AMIGO1: variants seen among roughly 807,000 people sequenced by gnomAD.
The protein encoded by AMIGO1 is adhesion molecule with Ig like domain 1, also known as amphoterin-induced protein 1.
For missense variants in AMIGO1, 361 were observed against 612.3 expected (o/e 0.59, Z 4.33); for synonymous variants, 249 against 266.3 (o/e 0.93, Z 0.63).
chr1:109,506,706 C>G lies in AMIGO1; in HGVS notation c.*725G>C, dbSNP rs1658031887. On this transcript the variant is annotated 3_prime_UTR_variant, in exon 2 of 2. Transcript: ENST00000369864. ...TGTGACATGGACCCTTCAGTTCATG[C>G]TATAACCCTCTGTGCCATTGGTCCC... The G allele has an allele frequency of 6.6e-6, 1 of 152,354 alleles. No homozygotes were observed. The highest frequency in any genetic ancestry group is 1.9e-4 in the East Asian group (1 of 5,196). The allele number at this position is 152,354 out of a possible 1,614,324, so 9.4% of individuals were successfully genotyped here. A position where few individuals can be genotyped will look rare whatever the true frequency, so the allele number is the denominator to read the frequency against.
Position 109,508,332 on chromosome 1 carries a change from G to T in AMIGO1, c.581C>A (p.Ser194Tyr), listed in dbSNP as rs1306410650. ...CAATGGCAAGTTCTTCAGCTTGTTA[G>T]AAGAGAGATCCAGGAGCGTTAGTTT... The part of the protein sequence containing the change: ...LPKLTLLDLS[S>Y]NKLKNLPLPD... Residue 194 changes from serine (S) to tyrosine (Y), a missense_variant, in exon 2 of 2, where the codon TCT becomes TAT. Ser to Tyr is a moderately radical substitution (Grantham distance 144, BLOSUM62 -2). Transcript: ENST00000369864. The surrounding 1 kb of genome is among the most constrained non-coding windows in gnomAD (Gnocchi z 7.8). 6.2e-7 allele frequency: 1 copy of T among 1,614,120 alleles called. No homozygotes were observed. The highest frequency in any genetic ancestry group is 8.5e-7 in the Non-Finnish European group (1 of 1,180,022).
intron 1 of AMIGO1, 87 bp from the exon 2 acceptor site, chr1:109,509,086 C>T: frequency 4.1e-6 from 3 of 726,496 alleles, no homozygotes; most frequent in Non-Finnish European, 6.7e-6. Context: ...CCCTTACCTC[C>T]ACCCCCTTTG....
rs929777023 is a variant in AMIGO1, at chr1:109,504,873, C to A, written c.*2558G>T. The A allele has an allele frequency of 6.6e-6, 1 of 152,124 alleles. No individual in the cohort carries two copies. 9.4% of individuals were successfully genotyped at this position (152,124 alleles called of 1,614,324 possible). The stretch of plus-strand genomic sequence containing the variant: ...AGTCCTCAGGAGCTCCATCACGATG[C>A]CCCAGAAGGCCTGCTTCATTTAACG... On this transcript the variant is annotated 3_prime_UTR_variant, in exon 2 of 2. Transcript: ENST00000369864.
Position 109,507,322 on chromosome 1 carries a change from C to G in AMIGO1, c.*109G>C. The G allele has an allele frequency of 1.4e-6, 2 of 1,445,834 alleles. No homozygotes were observed. Among genetic ancestry groups the G allele is most frequent in the Non-Finnish European group, 9.3e-7 (1 of 1,073,872 alleles). 89.6% of individuals were successfully genotyped at this position (1,445,834 alleles called of 1,614,324 possible). ...TACCTGGGACCAATTCCCTTGAGGTCAGGAGGAATCCATTCCCTTGGGCAG... is the reference window on the plus strand; with the variant it reads ...TACCTGGGACCAATTCCCTTGAGGTGAGGAGGAATCCATTCCCTTGGGCAG... On this transcript the variant is annotated 3_prime_UTR_variant, in exon 2 of 2. Coordinates refer to ENST00000369864, the MANE Select transcript of AMIGO1 (RefSeq NM_020703.4). The surrounding 1 kb of genome is among the most constrained non-coding windows in gnomAD (Gnocchi z 4.7).
rs1657975751 is a variant in AMIGO1, at chr1:109,504,783, AAG to A, written c.*2646_*2647del. 6.6e-6 allele frequency: 1 copy of A among 152,220 alleles called. No homozygotes were observed. Among genetic ancestry groups the A allele is most frequent in the Admixed American group, 6.5e-5 (1 of 15,276 alleles). 9.4% of individuals were successfully genotyped at this position (152,220 alleles called of 1,614,324 possible). On this transcript the variant is annotated 3_prime_UTR_variant, in exon 2 of 2. Coordinates refer to ENST00000369864, the MANE Select transcript of AMIGO1 (RefSeq NM_020703.4). ...ACTAGTGGATATAGTCAGGAGACTT[AAG>A]AGCCACAGGGCCTTTTCTCATTCCC...
In AMIGO1 at chr1:109,505,436, T is replaced by C. The variant is rs577121306; in HGVS notation, c.*1995A>G. The C allele has an allele frequency of 2.6e-5, 4 of 152,310 alleles. No individual in the cohort carries two copies. In the South Asian group the frequency reaches 6.2e-4, roughly 24 times the overall value. The allele number at this position is 152,310 out of a possible 1,614,324, so 9.4% of individuals were successfully genotyped here. On this transcript the variant is annotated 3_prime_UTR_variant, in exon 2 of 2. Transcript: ENST00000369864. ...AATTGTGTGCATGAAGTTGTGCACA[T>C]TGGTGGAGACCATTCTGAGAGTATC...
At position 109,506,089 on chromosome 1, in the gene AMIGO1, T is replaced by C. The variant is rs1343186226; in HGVS notation, c.*1342A>G. 1 of 152,186 alleles carries C rather than the reference T, an allele frequency of 6.6e-6. No homozygotes were observed. Among genetic ancestry groups the C allele is most frequent in the African/African-American group, 2.4e-5 (1 of 41,442 alleles). 9.4% of individuals were successfully genotyped at this position (152,186 alleles called of 1,614,324 possible). On this transcript the variant is annotated 3_prime_UTR_variant, in exon 2 of 2. Coordinates refer to ENST00000369864, the MANE Select transcript of AMIGO1 (RefSeq NM_020703.4). Reference sequence around the variant, plus strand: ...TCCCCTTCTGAAAGTTTAGTACTACTGATTATCTCTGCTTCAGGATTGCCT... The same window carrying C: ...TCCCCTTCTGAAAGTTTAGTACTACCGATTATCTCTGCTTCAGGATTGCCT...
At position 109,507,838 on chromosome 1, in the gene AMIGO1, G is replaced by A; in HGVS notation, c.1075C>T (p.His359Tyr). The change falls in exon 2 of 2, where the codon CAC becomes TAC. Residue 359 changes from histidine to tyrosine, a missense_variant. Physicochemically the swap from His to Tyr is moderately conservative, Grantham distance 83. Coordinates refer to ENST00000369864, the MANE Select transcript of AMIGO1 (RefSeq NM_020703.4). This position sits in a 1 kb window ranked among gnomAD's most constrained non-coding sequence, Gnocchi z 4.7. ...NETLSVELKV[H>Y]NFTLHGHHDT... ...TGGTGTCCGTGCAAGGTGAAATTGT[G>A]CACTTTCAATTCCACAGACAGTGTC... The A allele has an allele frequency of 6.2e-7, 1 of 1,614,100 alleles. No individual in the cohort carries two copies. The highest frequency in any genetic ancestry group is 1.1e-5 in the South Asian group (1 of 91,084).
At position 109,509,012 on chromosome 1, in the gene AMIGO1, A is replaced by G; in HGVS notation, c.-87-13T>C. The G allele has an allele frequency of 7.3e-7, 1 of 1,363,496 alleles. No individual in the cohort carries two copies. Among genetic ancestry groups the G allele is most frequent in the South Asian group, 1.5e-5 (1 of 65,582 alleles). 84.5% of individuals were successfully genotyped at this position (1,363,496 alleles called of 1,614,324 possible). On this transcript the variant is annotated splice_polypyrimidine_tract_variant and intron_variant, in intron 1 of 1. Transcript: ENST00000369864. The stretch of plus-strand genomic sequence containing the variant: ...TACGGAAGGGTCACTTGAGAGAAAG[A>G]GGATGGGTTTGTGGTCACCAAGGAC...
Position 109,508,131 on chromosome 1 carries a change from T to C in AMIGO1, c.782A>G (p.Asn261Ser), listed in dbSNP as rs1361874798. 2 of 1,614,188 alleles carry C rather than the reference T, an allele frequency of 1.2e-6. No homozygotes were observed. The highest frequency in any genetic ancestry group is 1.7e-6 in the Non-Finnish European group (2 of 1,180,036). ...GTTGAGGAAACTCAGGTTGAAGACATTGTGCAGCTTCTTGGAGTTCATGCA... is the reference window on the plus strand; with the variant it reads ...GTTGAGGAAACTCAGGTTGAAGACACTGTGCAGCTTCTTGGAGTTCATGCA... ...LYCMNSKKLH[N>S]VFNLSFLNCG... The change falls in exon 2 of 2, where the codon AAT (asparagine) becomes AGT (serine). Residue 261 changes from asparagine (N) to serine (S), a missense_variant. By Grantham distance (46) the Asn-to-Ser change is conservative. Coordinates refer to ENST00000369864, the MANE Select transcript of AMIGO1 (RefSeq NM_020703.4). This position sits in a 1 kb window ranked among gnomAD's most constrained non-coding sequence, Gnocchi z 7.8.
Position 109,507,595 on chromosome 1 carries a change from G to A in AMIGO1, c.1318C>T (p.Arg440Trp), listed in dbSNP as rs764343078. ...CCAGCAGGTTCCAGGAAAGCCACCC[G>A]CCGGTCAAAACCATCATCTTTGTCC... ...GGDKDDGFDRRVAFLEPAGPG... is the reference protein window; with the variant it reads ...GGDKDDGFDRWVAFLEPAGPG... The change falls in exon 2 of 2, where the codon CGG becomes TGG. Residue 440 changes from arginine (R) to tryptophan (W), a missense_variant. By Grantham distance (101) the Arg-to-Trp change is moderately radical (BLOSUM62 -3). Coordinates refer to ENST00000369864, the MANE Select transcript of AMIGO1 (RefSeq NM_020703.4). The surrounding 1 kb of genome is among the most constrained non-coding windows in gnomAD (Gnocchi z 4.7). 6.2e-7 allele frequency: 1 copy of A among 1,614,050 alleles called. No homozygotes were observed. The highest frequency in any genetic ancestry group is 1.7e-5 in the Admixed American group (1 of 60,004).
rs1409449535 is a variant in AMIGO1, at chr1:109,504,696, A to T, written c.*2735T>A. ...ATCACCTGAAACCACGGGAAGAAAC[A>T]AATCAAATCTCTTGGTAGGGCAGCC... On this transcript the variant is annotated 3_prime_UTR_variant, in exon 2 of 2. Transcript: ENST00000369864. 6.6e-6 allele frequency: 1 copy of T among 152,196 alleles called. No homozygotes were observed. Among genetic ancestry groups the T allele is most frequent in the South Asian group, 2.1e-4 (1 of 4,822 alleles). The allele number at this position is 152,196 out of a possible 1,614,324, so 9.4% of individuals were successfully genotyped here. A position where few individuals can be genotyped will look rare whatever the true frequency, so the allele number is the denominator to read the frequency against.
In AMIGO1 at chr1:109,506,066, C is replaced by G. The variant is rs1316517864; in HGVS notation, c.*1365G>C. On this transcript the variant is annotated 3_prime_UTR_variant, in exon 2 of 2. Coordinates refer to ENST00000369864, the MANE Select transcript of AMIGO1 (RefSeq NM_020703.4). ...ATGGAGGAATGGGGTGGCAGAACTCCCCTTCTGAAAGTTTAGTACTACTGA... is the reference window on the plus strand; with the variant it reads ...ATGGAGGAATGGGGTGGCAGAACTCGCCTTCTGAAAGTTTAGTACTACTGA... The G allele has an allele frequency of 2.0e-5, 3 of 152,150 alleles. No individual in the cohort carries two copies. The highest frequency in any genetic ancestry group is 7.2e-5 in the African/African-American group (3 of 41,420). 9.4% of individuals were successfully genotyped at this position (152,150 alleles called of 1,614,324 possible).
In AMIGO1 at chr1:109,509,091, C is replaced by G. The variant is rs551022242; in HGVS notation, c.-87-92G>C. 295 of 698,330 alleles carry G rather than the reference C, an allele frequency of 4.2e-4. 2 individuals are homozygous for G. The East Asian group carries it at 7.7e-3, about 18-fold the overall frequency. The allele number at this position is 698,330 out of a possible 1,614,324, so 43.3% of individuals were successfully genotyped here. A position where few individuals can be genotyped will look rare whatever the true frequency, so the allele number is the denominator to read the frequency against. On this transcript the variant is annotated intron_variant, in intron 1 of 1. Transcript: ENST00000369864. ...TCCCCTCCCACCCTTACCTCCACCC[C>G]CTTTGGGCTAGGAGAGAGAGATGCT...
rs1658082999 is a variant in AMIGO1 at position 109,508,552 on chromosome 1, G to T, written c.361C>A (p.Gln121Lys). ...NLRYLDLSSN[Q>K]LRTLDEFLFS... ...AGGAACTCATCCAGTGTACGCAGCT[G>T]GTTGGAGGAGAGGTCCAGGTAGCGC... Residue 121 changes from glutamine (Q) to lysine (K), a missense_variant, in exon 2 of 2, where the codon CAG (glutamine) becomes AAG (lysine). Transcript: ENST00000369864. The surrounding 1 kb of genome is among the most constrained non-coding windows in gnomAD (Gnocchi z 7.8). 6.2e-7 allele frequency: 1 copy of T among 1,614,172 alleles called. No homozygotes were observed. Among genetic ancestry groups the T allele is most frequent in the Non-Finnish European group, 8.5e-7 (1 of 1,180,042 alleles).
In AMIGO1 at chr1:109,506,460, T is replaced by C. The variant is rs1471184560; in HGVS notation, c.*971A>G. 3 of 152,354 alleles carry C rather than the reference T, an allele frequency of 2.0e-5. No individual in the cohort carries two copies. The highest frequency in any genetic ancestry group is 3.4e-3 in the Middle Eastern group (1 of 298). The allele number at this position is 152,354 out of a possible 1,614,324, so 9.4% of individuals were successfully genotyped here. ...GAATCAGCTAGGTCCAGCTGGATGCTACATAATAGAGGCTGATTTACCTTC... is the reference window on the plus strand; with the variant it reads ...GAATCAGCTAGGTCCAGCTGGATGCCACATAATAGAGGCTGATTTACCTTC... On this transcript the variant is annotated 3_prime_UTR_variant, in exon 2 of 2. Coordinates refer to ENST00000369864, the MANE Select transcript of AMIGO1 (RefSeq NM_020703.4).
In AMIGO1 at chr1:109,507,994, C is replaced by T. The variant is rs755638606; in HGVS notation, c.919G>A (p.Glu307Lys). 1.2e-6 allele frequency: 2 copies of T among 1,614,196 alleles called. No individual in the cohort carries two copies. The highest frequency in any genetic ancestry group is 4.5e-5 in the East Asian group (2 of 44,886). Reference protein sequence around the residue: ...MTKVWVTPSNERVLDEVTNGT... With the variant: ...MTKVWVTPSNKRVLDEVTNGT... ...TTGGTCACCTCATCTAGCACCCGTT[C>T]ATTACTTGGTGTCACCCACACCTTG... Residue 307 changes from glutamate to lysine, a missense_variant, in exon 2 of 2, where the codon GAA becomes AAA. Glu to Lys is a moderately conservative substitution (Grantham distance 56, BLOSUM62 1). Transcript: ENST00000369864. The surrounding 1 kb of genome is among the most constrained non-coding windows in gnomAD (Gnocchi z 4.7).
Position 109,508,847 on chromosome 1 carries a change from A to C in AMIGO1, c.66T>G (p.Phe22Leu), listed in dbSNP as rs1658096014. Residue 22 changes from phenylalanine (F) to leucine (L), a missense_variant, in exon 2 of 2, where the codon TTT becomes TTG. Transcript: ENST00000369864. This position sits in a 1 kb window ranked among gnomAD's most constrained non-coding sequence, Gnocchi z 7.8. ...CGGCTCGGCCAGCTCTGGCCACCTC[A>C]AAAAGCAGCAGGGACAAGGACGGCA... ...LLLPSLSLLL[F>L]EVARAGRAVV... 1 of 1,611,806 alleles carries C rather than the reference A, an allele frequency of 6.2e-7. No homozygotes were observed. The highest frequency in any genetic ancestry group is 8.5e-7 in the Non-Finnish European group (1 of 1,178,884).
chr1:109,508,637 C>T lies in AMIGO1; in HGVS notation c.276G>A (p.Leu92=). 6.2e-7 allele frequency: 1 copy of T among 1,614,192 alleles called. No homozygotes were observed. The highest frequency in any genetic ancestry group is 8.5e-7 in the Non-Finnish European group (1 of 1,180,044). Reference sequence around the variant, plus strand: ...TGAAGTTCAGGTGGTTGTGGCTCAGCAGCAGGGAGTGCAGTTGGGTCAGGC... The same window carrying T: ...TGAAGTTCAGGTGGTTGTGGCTCAGTAGCAGGGAGTGCAGTTGGGTCAGGC... ...PTRLTQLHSL[L]LSHNHLNFIS... Residue 92 remains leucine, a synonymous_variant, in exon 2 of 2, where the codon CTG becomes CTA. Coordinates refer to ENST00000369864, the MANE Select transcript of AMIGO1 (RefSeq NM_020703.4). This position sits in a 1 kb window ranked among gnomAD's most constrained non-coding sequence, Gnocchi z 7.8.
Sources: gnomAD v4.1 joint callset for allele counts on GRCh38, gnomAD v4.1.1 for gene constraint, Gnocchi (gnomAD v3.1) non-coding constraint, MANE v1.5 for transcripts, NCBI Gene and HGNC (gene_info 2026-07-23, HGNC 2026-07-21) for gene names.